Variants in NCOA1 observed in about 807,000 individuals in gnomAD.
NCOA1 encodes Hin-2 protein.
A neutral mutation model predicts 150.9 loss-of-function variants in NCOA1; 35 were observed. The observed-to-expected ratio is 0.23, with a 90% CI of 0.18 to 0.31. NCOA1 has a LOEUF of 0.31. NCOA1 is among the 10% of genes least tolerant of loss of function. NCOA1 has a pLI of 1.00. For missense variants in NCOA1, 1,491 were observed against 1,749.3 expected (o/e 0.85, Z 2.63); for synonymous variants, 590 against 630.0 (o/e 0.94, Z 0.95).
chr2:24,533,225 G>C (rs1664974548), intron 1 of NCOA1, among the ~76,000 whole-genome samples: 1 of 152,126 alleles, frequency 6.6e-6, no homozygotes, highest in African/African-American at 2.4e-5. Flanking sequence ...TTGTGAGTGG[G>C]AGTTCACTCA....
At chr2:24,588,069 G>A (rs970336924) in intron 3 of NCOA1, among the ~76,000 whole-genome samples, 3 of 152,024 alleles carry the variant, frequency 2.0e-5, no homozygotes, top group East Asian at 1.9e-4. Context: ...GTGAGTGAGA[G>A]GTGGGCTTTC....
intron 1 of NCOA1, among the ~76,000 whole-genome samples, chr2:24,518,242 T>C (rs1017447048): frequency 6.6e-6 from 1 of 152,014 alleles, no homozygotes; most frequent in Non-Finnish European, 1.5e-5. Context: ...AATATGAACA[T>C]CTCAATAAAT....
intron 3 of NCOA1, among the ~76,000 whole-genome samples, chr2:24,606,575 G>A (rs1364935134): frequency 1.3e-5 from 2 of 152,132 alleles, no homozygotes; most frequent in Non-Finnish European, 1.5e-5. Context: ...TATATTTCTA[G>A]CATAAACTCA....
intron 14 of NCOA1, among the ~76,000 whole-genome samples, chr2:24,718,425 T>C (rs567579428): frequency 9.9e-5 from 15 of 152,136 alleles, no homozygotes; most frequent in Non-Finnish European, 1.9e-4. Context: ...AAGTTAATCA[T>C]ACATTTACCA....
At chr2:24,521,696 A>G (rs1163575323) in intron 1 of NCOA1, among the ~76,000 whole-genome samples, 1 of 152,174 alleles carries the variant, frequency 6.6e-6, no homozygotes, top group Non-Finnish European at 1.5e-5. Context: ...TCAACATGAG[A>G]GTTGGAGATC....
intron 3 of NCOA1, among the ~76,000 whole-genome samples, chr2:24,604,925 A>G (rs1668290673): frequency 6.6e-6 from 1 of 152,152 alleles, no homozygotes. Context: ...AAAGTGAGAG[A>G]CATGTGACTC....
chr2:24,719,028 CAAAAAAAAAAA>C (rs59556004), intron 14 of NCOA1, among the ~76,000 whole-genome samples: 14 of 34,466 alleles, frequency 4.1e-4, no homozygotes, highest in Admixed American at 1.3e-3. Flanking sequence ...GACTCTGTCC[CAAAAAAAAAAA>C]AAAAAAAAAA....
intron 2 of NCOA1, 145 bp from the exon 3 acceptor site, chr2:24,584,331 A>T (rs1015532786): frequency 6.6e-6 from 1 of 152,196 alleles, no homozygotes; most frequent in African/African-American, 2.4e-5. Flanking sequence ...AATTATGCAT[A>T]TCTTAATGAA....
intron 21 of NCOA1, 101 bp downstream of exon 21, chr2:24,758,257 C>A: frequency 9.1e-7 from 1 of 1,094,064 alleles, no homozygotes; most frequent in African/African-American, 1.6e-5. Flanking sequence ...AGCCACACTT[C>A]TTTATTCTTT....
chr2:24,607,075 G>T (rs147063396), intron 3 of NCOA1, among the ~76,000 whole-genome samples: 1 of 152,004 alleles, frequency 6.6e-6, no homozygotes, highest in Non-Finnish European at 1.5e-5. Flanking sequence ...AAGGAAAGTG[G>T]TACTATTTAA....
chr2:24,614,375 A>C (rs1285201729), intron 3 of NCOA1, among the ~76,000 whole-genome samples: 3 of 149,824 alleles, frequency 2.0e-5, no homozygotes, highest in Admixed American at 6.7e-5. Flanking sequence ...ACACCACCAC[A>C]CCTGGCTACT....
chr2:24,755,258 A>C (rs530414886), intron 20 of NCOA1, among the ~76,000 whole-genome samples: 2 of 152,252 alleles, frequency 1.3e-5, no homozygotes, highest in East Asian at 1.9e-4. Flanking sequence ...CTTTTTCATT[A>C]TCTCTCTGGT....
At chr2:24,733,011 ATGG>A (rs1369680486) in intron 17 of NCOA1, among the ~76,000 whole-genome samples, 2 of 152,092 alleles carry the variant, frequency 1.3e-5, no homozygotes, top group African/African-American at 4.8e-5. Flanking sequence ...CCCTTAACCA[ATGG>A]TTCGCAAAGA....
chr2:24,719,028 CAAAAAA>C (rs59556004), intron 14 of NCOA1, among the ~76,000 whole-genome samples: 2 of 34,456 alleles, frequency 5.8e-5, no homozygotes, highest in Non-Finnish European at 1.0e-4. Flanking sequence ...GACTCTGTCC[CAAAAAA>C]AAAAAAAAAA....
At chr2:24,626,178 T>C (rs1277682516) in intron 3 of NCOA1, among the ~76,000 whole-genome samples, 1 of 152,188 alleles carries the variant, frequency 6.6e-6, no homozygotes, top group African/African-American at 2.4e-5. Flanking sequence ...ATATTTAAGC[T>C]CTGTCATTGC....
chr2:24,590,244 G>A (rs1667599155), intron 3 of NCOA1, among the ~76,000 whole-genome samples: 1 of 152,116 alleles, frequency 6.6e-6, no homozygotes, highest in Non-Finnish European at 1.5e-5. Context: ...TCAGTGGAAG[G>A]AAAAGCAAAT....
At chr2:24,748,469 G>A (rs13401689) in intron 19 of NCOA1, among the ~76,000 whole-genome samples, 25,076 of 151,872 alleles carry the variant, frequency 0.17, 2,302 homozygotes, top group Non-Finnish European at 0.21. Flanking sequence ...AATTAGTTGG[G>A]TGTGGTGGTA....
chr2:24,512,039 C>A (rs1212459286), intron 1 of NCOA1, among the ~76,000 whole-genome samples: 1 of 152,098 alleles, frequency 6.6e-6, no homozygotes, highest in Non-Finnish European at 1.5e-5. Flanking sequence ...ACCCTCGACT[C>A]CCTGCTAAGT....
At chr2:24,768,104 C>G (rs1665157710) in intron 22 of NCOA1, 117 bp from the exon 23 acceptor site, 1 of 1,613,884 alleles carries the variant, frequency 6.2e-7, no homozygotes, top group African/African-American at 1.3e-5. Flanking sequence ...GAGTTCTTCT[C>G]TGTGGTGACT....
Sources: gnomAD v4.1 joint callset for allele counts (sites outside exome capture counted in the v4.1 genomes callset) on GRCh38, gnomAD v4.1.1 for gene constraint, MANE v1.5 for transcripts, NCBI Gene and HGNC (gene_info 2026-07-23, HGNC 2026-07-21) for gene names.